NXPE4: variants seen among roughly 807,000 people sequenced by gnomAD.
NXPE4 encodes the protein neurexophilin and PC-esterase domain family member 4.
A neutral mutation model predicts 33.3 loss-of-function variants in NXPE4; 42 were observed. That is an observed-to-expected ratio of 1.26 (90% CI 0.98 to 1.63). The LOEUF is 1.63. Ranked by LOEUF, NXPE4 falls within the 40% of genes most tolerant of loss-of-function variation. NXPE4 has a pLI of 0.00. For synonymous variants in NXPE4, 253 were observed against 234.9 expected (o/e 1.08, Z -0.71); for missense variants, 709 against 647.6 (o/e 1.09, Z -1.03).
intron 2 of NXPE4, among the ~76,000 whole-genome samples, chr11:114,586,152 C>T (rs626951): frequency 0.062 from 9,447 of 152,270 alleles, 368 homozygotes; most frequent in Non-Finnish European, 0.09. Context: ...TATAAAATCT[C>T]CTGCACTTCA....
At chr11:114,601,819 A>G in the NXPE4 span, among the ~76,000 whole-genome samples, 1 of 71,174 alleles carries the variant, frequency 1.4e-5, no homozygotes, top group Non-Finnish European at 2.3e-5. Context: ...ATATAATTAT[A>G]TATAATATAT....
the NXPE4 span, among the ~76,000 whole-genome samples, chr11:114,659,895 T>G: frequency 6.6e-6 from 1 of 151,990 alleles, no homozygotes; most frequent in Non-Finnish European, 1.5e-5. Context: ...TAATTCTTTG[T>G]AAAGATCAAT....
At chr11:114,577,135 A>C (rs1381790279) in intron 5 of NXPE4, among the ~76,000 whole-genome samples, 1 of 142,758 alleles carries the variant, frequency 7.0e-6, no homozygotes, top group Non-Finnish European at 1.5e-5. Flanking sequence ...AGTTATATAT[A>C]TATAATGTCA....
the NXPE4 span, among the ~76,000 whole-genome samples, chr11:114,637,157 T>C: frequency 6.6e-6 from 1 of 151,774 alleles, no homozygotes; most frequent in African/African-American, 2.4e-5. Flanking sequence ...CTGTATTGGG[T>C]CCATATATAT....
At chr11:114,639,516 C>G in the NXPE4 span, among the ~76,000 whole-genome samples, 1 of 151,384 alleles carries the variant, frequency 6.6e-6, no homozygotes, top group African/African-American at 2.4e-5. Context: ...TGAGATGAAC[C>G]TGGTACCTCA....
chr11:114,581,825 C>T (rs1591337504), intron 3 of NXPE4, 39 bp from the exon 4 acceptor site: 1 of 1,431,682 alleles, frequency 7.0e-7, no homozygotes, highest in Admixed American at 1.9e-5. Context: ...TGTAGGTGGC[C>T]TCAAATCAGG....
the NXPE4 span, among the ~76,000 whole-genome samples, chr11:114,644,238 A>G: frequency 2.6e-5 from 4 of 152,092 alleles, no homozygotes; most frequent in African/African-American, 9.7e-5. Flanking sequence ...CTGTTCGAAT[A>G]CCTTTATTTC....
the NXPE4 span, among the ~76,000 whole-genome samples, chr11:114,628,748 G>A: frequency 4.6e-5 from 7 of 151,444 alleles, no homozygotes; most frequent in East Asian, 1.9e-4. Context: ...TTTTTTGAAA[G>A]GATCAACAAA....
the NXPE4 span, among the ~76,000 whole-genome samples, chr11:114,645,522 T>C: frequency 6.6e-6 from 1 of 152,114 alleles, no homozygotes; most frequent in Non-Finnish European, 1.5e-5. Flanking sequence ...GAAGAAAATG[T>C]TGATAAATTT....
At chr11:114,579,168 C>T (rs969442188) in intron 5 of NXPE4, among the ~76,000 whole-genome samples, 16 of 152,086 alleles carry the variant, frequency 1.1e-4, no homozygotes, top group African/African-American at 3.9e-4. Flanking sequence ...CAGTGTGTCA[C>T]ATGGTGAGAG....
At chr11:114,627,216 G>C in the NXPE4 span, among the ~76,000 whole-genome samples, 23 of 152,034 alleles carry the variant, frequency 1.5e-4, no homozygotes, top group Non-Finnish European at 2.8e-4. Flanking sequence ...ACACATAATT[G>C]TCAGATTCAC....
the NXPE4 span, among the ~76,000 whole-genome samples, chr11:114,621,942 C>T: frequency 6.8e-6 from 1 of 147,288 alleles, no homozygotes; most frequent in South Asian, 2.2e-4. Flanking sequence ...ATGGGTAACA[C>T]CTGTTACCCT....
chr11:114,628,883 G>A, the NXPE4 span, among the ~76,000 whole-genome samples: 11 of 151,794 alleles, frequency 7.2e-5, no homozygotes, highest in South Asian at 8.3e-4. Flanking sequence ...ATCAGAGAAT[G>A]CTACAAACAC....
At chr11:114,621,767 T>A in the NXPE4 span, among the ~76,000 whole-genome samples, 1 of 152,150 alleles carries the variant, frequency 6.6e-6, no homozygotes, top group Non-Finnish European at 1.5e-5. Flanking sequence ...AGGTATTGCC[T>A]CATGGGTAAC....
chr11:114,583,163 C>A, intron 2 of NXPE4, 142 bp from the exon 3 acceptor site: 1 of 899,420 alleles, frequency 1.1e-6, no homozygotes, highest in Non-Finnish European at 1.7e-6. Flanking sequence ...GATTTACATA[C>A]TATTATCAAT....
At chr11:114,573,704 C>T (rs1948939337) in intron 5 of NXPE4, among the ~76,000 whole-genome samples, 1 of 151,754 alleles carries the variant, frequency 6.6e-6, no homozygotes, top group Non-Finnish European at 1.5e-5. Flanking sequence ...CTGGAGCTCC[C>T]AAATTTACAA....
chr11:114,625,868 G>A, the NXPE4 span, among the ~76,000 whole-genome samples: 32 of 152,232 alleles, frequency 2.1e-4, no homozygotes, highest in South Asian at 1.0e-3. Context: ...CTCGGGAAGC[G>A]CAAGGGGTCA....
chr11:114,607,026 G>T, the NXPE4 span, among the ~76,000 whole-genome samples: 428 of 152,030 alleles, frequency 2.8e-3, 4 homozygotes, highest in South Asian at 0.022. Context: ...AGTAATCACG[G>T]TTACCCAGTG....
chr11:114,639,560 C>T, the NXPE4 span, among the ~76,000 whole-genome samples: 6 of 150,846 alleles, frequency 4.0e-5, no homozygotes, highest in East Asian at 5.8e-4. Flanking sequence ...TCTTCTGCAT[C>T]GCTCAGGCCG....
Sources: allele counts gnomAD v4.1 joint callset (sites outside exome capture counted in the v4.1 genomes callset), GRCh38; gene constraint gnomAD v4.1.1; transcripts MANE v1.5; gene names NCBI Gene and HGNC (gene_info 2026-07-23, HGNC 2026-07-21).